The following GRIN2A variants were observed in gnomAD, a reference collection of about 807,000 sequenced individuals.
GRIN2A encodes glutamate receptor ionotropic, NMDA 2A.
Under a neutral mutation model 113.4 loss-of-function variants are expected in GRIN2A, and 22 were observed. The ratio of observed to expected loss-of-function variants is 0.19; its 90% CI spans 0.14 to 0.28. The LOEUF (loss-of-function observed/expected upper bound fraction) is 0.28. Ranked by LOEUF, GRIN2A falls within the 10% of genes least tolerant of loss-of-function variation. The pLI, the probability that GRIN2A is intolerant of heterozygous loss-of-function variation, is 1.00. For missense variants in GRIN2A, 1,502 were observed against 1,887.0 expected (o/e 0.80, Z 3.78); for synonymous variants, 827 against 738.4 (o/e 1.12, Z -1.94).
intron 4 of GRIN2A, among the ~76,000 whole-genome samples, chr16:9,886,121 C>T (rs2043581624): frequency 6.6e-6 from 1 of 152,202 alleles, no homozygotes; most frequent in African/African-American, 2.4e-5. Flanking sequence ...TGCTCCAGGA[C>T]TGGTTAAAAC....
In GRIN2A at chr16:9,991,404, G is replaced by A. The variant is rs75188793; in HGVS notation, c.415-52853C>T. Reference sequence around the variant, plus strand: ...GATATGATTTCAAGTTGCAATCATGGTTCTTTTAAAAATAGATTTAAGGGA... The same window carrying A: ...GATATGATTTCAAGTTGCAATCATGATTCTTTTAAAAATAGATTTAAGGGA... On this transcript the variant is annotated intron_variant, in intron 2 of 12. Transcript: ENST00000330684. Among the ~76,000 whole-genome samples the A allele has an allele frequency of 8.1e-3, 1,232 of 152,288 alleles. 11 individuals carry two copies. Among genetic ancestry groups the A allele is most frequent in the South Asian group, 0.025 (123 of 4,826 alleles).
At chr16:10,138,800 T>A (rs1195147985) in intron 2 of GRIN2A, among the ~76,000 whole-genome samples, 1 of 152,180 alleles carries the variant, frequency 6.6e-6, no homozygotes, top group East Asian at 1.9e-4. Flanking sequence ...AAAATTTCAA[T>A]ACATGCCAAC....
At chr16:10,101,031 G>A (rs4324127) in intron 2 of GRIN2A, among the ~76,000 whole-genome samples, 68,310 of 152,168 alleles carry the variant, frequency 0.45, 16,080 homozygotes, top group Admixed American at 0.58. Context: ...ATTCACTTCC[G>A]CTTTTGAGCT....
At chr16:9,965,969 T>C (rs884918) in intron 2 of GRIN2A, among the ~76,000 whole-genome samples, 70,320 of 152,090 alleles carry the variant, frequency 0.46, 16,480 homozygotes, top group East Asian at 0.59. Context: ...CAATACTTTC[T>C]GGTAGCTTAT....
At chr16:9,970,004 G>A (rs770713383) in intron 2 of GRIN2A, among the ~76,000 whole-genome samples, 15 of 152,284 alleles carry the variant, frequency 9.9e-5, no homozygotes, top group African/African-American at 2.9e-4. Context: ...CACACTCTCC[G>A]TGTGAATCTT....
At chr16:9,952,932 A>G (rs962414391) in intron 2 of GRIN2A, among the ~76,000 whole-genome samples, 1 of 152,216 alleles carries the variant, frequency 6.6e-6, no homozygotes, top group East Asian at 1.9e-4. Context: ...TGAAAAAAAG[A>G]GACAAGGAGT....
At chr16:10,070,602 TGA>T (rs1182450735) in intron 2 of GRIN2A, among the ~76,000 whole-genome samples, 1 of 152,210 alleles carries the variant, frequency 6.6e-6, no homozygotes, top group Non-Finnish European at 1.5e-5. Flanking sequence ...CTAGTGACAC[TGA>T]GATATTTATA....
At chr16:10,171,585 A>C (rs184434132) in intron 2 of GRIN2A, 1 of 152,198 alleles carries the variant, frequency 6.6e-6, no homozygotes, top group African/African-American at 2.4e-5. Context: ...AAATCATTTC[A>C]TGTTAGACCC....
Position 10,020,629 on chromosome 16 carries a change from A to T in GRIN2A, c.415-82078T>A, listed in dbSNP as rs77403542. Among the ~76,000 whole-genome samples, 157 of 152,306 alleles carry T rather than the reference A, an allele frequency of 1.0e-3. 2 individuals carry two copies. The East Asian group carries it at 0.027, about 27-fold the overall frequency. On this transcript the variant is annotated intron_variant, in intron 2 of 12. Transcript: ENST00000330684. ...GATTCAAGAGAGTCATACTAGCTAT[A>T]CGATACAAGGTTAATTGTTCTGATT...
intron 7 of GRIN2A, among the ~76,000 whole-genome samples, chr16:9,835,635 T>C (rs892970861): frequency 6.6e-6 from 1 of 152,222 alleles, no homozygotes; most frequent in African/African-American, 2.4e-5. Context: ...TTCTGAGGGT[T>C]AAAATAAGTC....
intron 2 of GRIN2A, among the ~76,000 whole-genome samples, chr16:10,028,839 G>T (rs2046871989): frequency 6.6e-6 from 1 of 152,208 alleles, no homozygotes; most frequent in Non-Finnish European, 1.5e-5. Flanking sequence ...AAATGGGTGT[G>T]GCTGTGTTCC....
chr16:9,861,233 C>T (rs2141398388), intron 4 of GRIN2A, among the ~76,000 whole-genome samples: 1 of 152,074 alleles, frequency 6.6e-6, no homozygotes, highest in African/African-American at 2.4e-5. Context: ...TGATTTACTC[C>T]CAAGCTGGAG....
At chr16:9,766,295 G>A (rs943034765) in intron 12 of GRIN2A, among the ~76,000 whole-genome samples, 2 of 152,210 alleles carry the variant, frequency 1.3e-5, no homozygotes, top group Non-Finnish European at 2.9e-5. Flanking sequence ...CCCCCATGGT[G>A]GGGACAAGCT....
At chr16:9,877,090 C>A (rs2043383104) in intron 4 of GRIN2A, among the ~76,000 whole-genome samples, 1 of 152,182 alleles carries the variant, frequency 6.6e-6, no homozygotes, top group Non-Finnish European at 1.5e-5. Flanking sequence ...AACTTGGAGA[C>A]TCACAAGACC....
chr16:10,164,072 A>G (rs535258944), intron 2 of GRIN2A, among the ~76,000 whole-genome samples: 1 of 152,334 alleles, frequency 6.6e-6, no homozygotes, highest in East Asian at 1.9e-4. Context: ...TTATCTAACT[A>G]GCTTGTTTAC....
intron 2 of GRIN2A, among the ~76,000 whole-genome samples, chr16:10,066,502 T>C (rs951290116): frequency 2.6e-5 from 4 of 152,080 alleles, no homozygotes; most frequent in African/African-American, 9.7e-5. Flanking sequence ...CAAGAGGGCG[T>C]CAAAGTCAAC....
chr16:9,898,451 TAA>T (rs1010930277), intron 3 of GRIN2A, among the ~76,000 whole-genome samples: 1 of 152,262 alleles, frequency 6.6e-6, no homozygotes, highest in African/African-American at 2.4e-5. Flanking sequence ...CTTATAGTCA[TAA>T]GTCTCCTTTA....
intron 2 of GRIN2A, among the ~76,000 whole-genome samples, chr16:10,097,344 T>A (rs1387292554): frequency 6.6e-6 from 1 of 152,176 alleles, no homozygotes; most frequent in Non-Finnish European, 1.5e-5. Context: ...CGTAGAGATG[T>A]TTGAAGTTGG....
intron 2 of GRIN2A, among the ~76,000 whole-genome samples, chr16:10,149,536 C>T (rs972465359): frequency 6.6e-6 from 1 of 152,150 alleles, no homozygotes; most frequent in Non-Finnish European, 1.5e-5. Flanking sequence ...AAGAATCATT[C>T]TTTCTCTCTC....
Sources: gnomAD v4.1 joint callset for allele counts (sites outside exome capture counted in the v4.1 genomes callset) on GRCh38, gnomAD v4.1.1 for gene constraint, MANE v1.5 for transcripts, NCBI Gene and HGNC (gene_info 2026-07-23, HGNC 2026-07-21) for gene names.